Variants in PLA2G4E observed in about 807,000 individuals in gnomAD.
PLA2G4E encodes the protein phospholipase A2 group IVE.
In PLA2G4E, 84 loss-of-function variants were observed where a neutral mutation model predicts 109.1. The ratio of observed to expected loss-of-function variants is 0.77; its 90% CI spans 0.65 to 0.92. The LOEUF is 0.92. Ranked by LOEUF, PLA2G4E falls within the 40% of genes least tolerant of loss-of-function variation. The probability of loss-of-function intolerance (pLI) is 0.00; values close to 1 mark genes in which losing one functional copy is unlikely to be tolerated. For missense variants in PLA2G4E, 1,057 were observed against 1,076.6 expected (o/e 0.98, Z 0.25); for synonymous variants, 469 against 436.1 (o/e 1.08, Z -0.94).
At chr15:41,989,139 T>C (rs533634401) in intron 15 of PLA2G4E, among the ~76,000 whole-genome samples, 2 of 152,280 alleles carry the variant, frequency 1.3e-5, no homozygotes, top group African/African-American at 4.8e-5. Flanking sequence ...GGCACACTGC[T>C]GGCCGAAGCT....
At chr15:42,045,156 C>T (rs1216570216) in intron 1 of PLA2G4E, among the ~76,000 whole-genome samples, 4 of 152,144 alleles carry the variant, frequency 2.6e-5, no homozygotes, top group African/African-American at 7.2e-5. Context: ...TCTCAGGGGG[C>T]TGAGCCTTGA....
intron 1 of PLA2G4E, among the ~76,000 whole-genome samples, chr15:42,033,208 C>T (rs559602225): frequency 4.6e-5 from 7 of 152,046 alleles, no homozygotes; most frequent in Non-Finnish European, 1.5e-5. Flanking sequence ...CCAGTTGCAC[C>T]GAGATGGATT....
At chr15:42,027,617 G>A (rs1316092836) in intron 1 of PLA2G4E, among the ~76,000 whole-genome samples, 4 of 152,304 alleles carry the variant, frequency 2.6e-5, no homozygotes, top group Middle Eastern at 3.4e-3. Flanking sequence ...GTGACTGGCC[G>A]GATTCAAGCC....
At chr15:42,048,538 G>A (rs1889454251) in intron 1 of PLA2G4E, among the ~76,000 whole-genome samples, 2 of 152,184 alleles carry the variant, frequency 1.3e-5, no homozygotes, top group Non-Finnish European at 2.9e-5. Flanking sequence ...CAAGCAGCTG[G>A]AGAAAGACCA....
intron 1 of PLA2G4E, among the ~76,000 whole-genome samples, chr15:42,039,619 T>C (rs1342741761): frequency 6.6e-6 from 1 of 152,110 alleles, no homozygotes; most frequent in East Asian, 1.9e-4. Flanking sequence ...AAGACTGGAT[T>C]ATAAAGATAA....
intron 10 of PLA2G4E, 69 bp from the exon 11 acceptor site, chr15:41,997,328 G>A: frequency 1.4e-6 from 2 of 1,411,104 alleles, no homozygotes; most frequent in South Asian, 1.6e-5. Context: ...CAGCTTCAGG[G>A]TCCATTGGAC....
At chr15:42,008,419 T>C (rs17739998) in intron 2 of PLA2G4E, among the ~76,000 whole-genome samples, 15 of 152,208 alleles carry the variant, frequency 9.9e-5, no homozygotes, top group Admixed American at 7.2e-4. Flanking sequence ...CATCTCCATA[T>C]GGCTTAATGC....
chr15:42,017,479 C>T (rs147228611), intron 1 of PLA2G4E, among the ~76,000 whole-genome samples: 180 of 152,342 alleles, frequency 1.2e-3, no homozygotes, highest in African/African-American at 4.2e-3. Context: ...TTAATCCTTA[C>T]AACCGCCCCA....
rs145117334 is a variant in PLA2G4E at position 41,996,915 on chromosome 15, C to T, written c.1110+209G>A. On this transcript the variant is annotated intron_variant, in intron 11 of 19. Transcript: ENST00000399518. ...TTGGGAGGAGGCGCTGGGGCTCTGT[C>T]CTTTCTGTCTCCATTTTGCTCTCCC... 1.8e-4 allele frequency among the ~76,000 whole-genome samples: 28 copies of T among 152,300 alleles called. No homozygotes were observed. The East Asian group carries it at 5.4e-3, about 29-fold the overall frequency.
At position 42,002,657 on chromosome 15, in the gene PLA2G4E, C is replaced by G. The variant is rs778220253; in HGVS notation, c.606G>C (p.Leu202=). ...AGGAACCCAGGAAGATAATTACCAC[C>G]AGCACGCCATTGGTGACGAGGGTCT... is the stretch of plus-strand genomic sequence containing the variant. The change falls in exon 6 of 20, where the codon CTG becomes CTC. Residue 202 remains leucine, a synonymous_variant. Transcript: ENST00000399518. The G allele has an allele frequency of 3.2e-6, 5 of 1,585,012 alleles. No homozygotes were observed. In the Middle Eastern group the frequency reaches 5.0e-4, roughly 158 times the overall value.
chr15:42,046,248 T>C (rs1284908833), intron 1 of PLA2G4E, among the ~76,000 whole-genome samples: 4 of 152,144 alleles, frequency 2.6e-5, no homozygotes, highest in African/African-American at 4.8e-5. Context: ...ATAAAACAGA[T>C]CAAGTCAGTC....
At chr15:41,997,473 G>T in intron 10 of PLA2G4E, 1 of 442,794 alleles carries the variant, frequency 2.3e-6, no homozygotes, top group Non-Finnish European at 3.9e-6. Context: ...CAAATGCAAA[G>T]CCCCCAAAGC....
intron 1 of PLA2G4E, among the ~76,000 whole-genome samples, chr15:42,020,958 G>A (rs1278674896): frequency 1.3e-5 from 2 of 151,822 alleles, no homozygotes; most frequent in Non-Finnish European, 2.9e-5. Flanking sequence ...GTGGCCGAGG[G>A]CCTGCTGTCT....
chr15:42,005,128 CT>C (rs1377152254), intron 4 of PLA2G4E, 150 bp from the exon 5 acceptor site: 5 of 898,122 alleles, frequency 5.6e-6, no homozygotes, highest in Non-Finnish European at 8.8e-6. Context: ...GTGGTCTCCT[CT>C]GCCAATCTCT....
chr15:41,990,069 CA>C, intron 14 of PLA2G4E, 51 bp downstream of exon 14: 1 of 1,498,636 alleles, frequency 6.7e-7, no homozygotes, highest in Non-Finnish European at 9.2e-7. Flanking sequence ...TTTTGCCCAC[CA>C]AGAAGTCCCC....
At chr15:41,985,870 T>C (rs964759269) in exon 18 of PLA2G4E, 2 of 1,611,004 alleles carry the variant, frequency 1.2e-6, no homozygotes, top group Non-Finnish European at 1.7e-6. Flanking sequence ...GTAGTTGAGG[T>C]GGATGATGAG....
At chr15:42,021,622 C>A (rs1004881967) in intron 1 of PLA2G4E, among the ~76,000 whole-genome samples, 8 of 152,178 alleles carry the variant, frequency 5.3e-5, no homozygotes, top group Non-Finnish European at 1.2e-4. Context: ...CCTGTCCTCC[C>A]TCCTGGGAGG....
At chr15:41,995,102 T>A (rs1216787685) in intron 12 of PLA2G4E, among the ~76,000 whole-genome samples, 1 of 152,248 alleles carries the variant, frequency 6.6e-6, no homozygotes, top group Admixed American at 6.5e-5. Flanking sequence ...GTCTCTGGCA[T>A]ACTTAGTAGC....
chr15:42,049,213 T>A (rs1253934883), intron 1 of PLA2G4E, among the ~76,000 whole-genome samples: 1 of 152,102 alleles, frequency 6.6e-6, no homozygotes, highest in Non-Finnish European at 1.5e-5. Flanking sequence ...GGGGCGGGGC[T>A]CTTGACCCCT....
Sources: allele counts gnomAD v4.1 joint callset (sites outside exome capture counted in the v4.1 genomes callset), GRCh38; gene constraint gnomAD v4.1.1; transcripts MANE v1.5; gene names NCBI Gene and HGNC (gene_info 2026-07-23, HGNC 2026-07-21).